Variants in COL4A4 observed in about 807,000 individuals in gnomAD.
COL4A4 encodes the protein collagen alpha-4(IV) chain.
A neutral mutation model predicts 192.9 loss-of-function variants in COL4A4; 105 were observed. That is an observed-to-expected ratio of 0.54 (90% confidence interval 0.46 to 0.64). The LOEUF is 0.64. COL4A4 is among the 30% of genes least tolerant of loss of function. The probability of loss-of-function intolerance (pLI) is 0.00; values close to 1 mark genes in which losing one functional copy is unlikely to be tolerated. For missense variants in COL4A4, 1,967 were observed against 2,169.3 expected (o/e 0.91, Z 1.85); for synonymous variants, 762 against 769.9 (o/e 0.99, Z 0.17).
In COL4A4 at chr2:227,082,164, T is replaced by C; in HGVS notation, c.1647A>G (p.Pro549=). The change falls in exon 23 of 48, where the codon CCA becomes CCG. Residue 549 remains proline, a synonymous_variant. Transcript: ENST00000396625. ...GLPGKHGASG[P]PGNKGAKGDM... ...CACCCTTCGCCCCTTTGTTGCCAGG[T>C]GGTCCAGAGGCACCATGCTTTCCCT... The C allele has an allele frequency of 6.2e-7, 1 of 1,614,172 alleles. No homozygotes were observed. The highest frequency in any genetic ancestry group is 8.5e-7 in the Non-Finnish European group (1 of 1,179,998).
At chr2:227,093,776 T>C (rs2060062526) in intron 20 of COL4A4, among the ~76,000 whole-genome samples, 1 of 152,126 alleles carries the variant, frequency 6.6e-6, no homozygotes, top group Admixed American at 6.6e-5. Context: ...GCAATTCCCC[T>C]GTCTCGACAA....
At chr2:226,978,276 G>A in the COL4A4 span, among the ~76,000 whole-genome samples, 1 of 151,896 alleles carries the variant, frequency 6.6e-6, no homozygotes, top group South Asian at 2.1e-4. Context: ...TTTTCTCCAT[G>A]TACCAATTAC....
At position 227,082,035 on chromosome 2, in the gene COL4A4, C is replaced by G. The variant is rs974823765; in HGVS notation, c.1696+80G>C. 3 of 1,177,666 alleles carry G rather than the reference C, an allele frequency of 2.5e-6. No individual in the cohort carries two copies. The Admixed American group carries it at 5.0e-5, about 20-fold the overall frequency. The allele number at this position is 1,177,666 out of a possible 1,614,324, so 73.0% of individuals were successfully genotyped here. On this transcript the variant is annotated intron_variant, in intron 23 of 47. Coordinates refer to ENST00000396625, the MANE Select transcript of COL4A4 (RefSeq NM_000092.5). ...AAATTGTATAGAATTGATCTATGGT[C>G]ACAGGGGAAATTACTGCAAGAGGAG... is the stretch of plus-strand genomic sequence containing the variant.
chr2:227,053,301 G>C (rs1974535169), intron 31 of COL4A4, among the ~76,000 whole-genome samples: 1 of 151,990 alleles, frequency 6.6e-6, no homozygotes, highest in African/African-American at 2.4e-5. Context: ...CAACTAAGAA[G>C]AAAAGGTAAT....
the COL4A4 span, among the ~76,000 whole-genome samples, chr2:226,974,225 T>TTTTTA: frequency 0.018 from 2,740 of 148,216 alleles, 91 homozygotes; most frequent in African/African-American, 0.065. Flanking sequence ...TGTTGCCCTT[T>TTTTTA]TTTTATTTTA....
chr2:227,073,584 C>T (rs572315959), intron 25 of COL4A4, among the ~76,000 whole-genome samples: 1 of 151,952 alleles, frequency 6.6e-6, no homozygotes, highest in Non-Finnish European at 1.5e-5. Context: ...CCTGAATAGA[C>T]AAAGCAATCC....
chr2:227,078,304 G>C lies in COL4A4; in HGVS notation c.1804-227C>G, dbSNP rs188558739. Among the ~76,000 whole-genome samples, 222 of 152,218 alleles carry C rather than the reference G, an allele frequency of 1.5e-3. 4 individuals carry two copies. Among genetic ancestry groups the C allele is most frequent in the East Asian group, 7.7e-4 (4 of 5,176 alleles). On this transcript the variant is annotated intron_variant, in intron 24 of 47. Coordinates refer to ENST00000396625, the MANE Select transcript of COL4A4 (RefSeq NM_000092.5). ...GTCACCCAGGCTGGTGTGCAGTGGTGCTATCTCGGTTCACTGCAGCCTCCA... is the reference window on the plus strand; with the variant it reads ...GTCACCCAGGCTGGTGTGCAGTGGTCCTATCTCGGTTCACTGCAGCCTCCA...
At chr2:226,973,593 T>C in the COL4A4 span, among the ~76,000 whole-genome samples, 2 of 152,232 alleles carry the variant, frequency 1.3e-5, no homozygotes, top group African/African-American at 4.8e-5. Context: ...CTAGTCCCCT[T>C]AGCAAGGACC....
intron 25 of COL4A4, among the ~76,000 whole-genome samples, chr2:227,076,614 T>G (rs2059036644): frequency 2.0e-5 from 3 of 152,048 alleles, no homozygotes; most frequent in Non-Finnish European, 2.9e-5. Flanking sequence ...CAAAAGCAAT[T>G]GCAAAAGAAG....
At chr2:227,039,538 G>A (rs1162875695) in intron 37 of COL4A4, among the ~76,000 whole-genome samples, 1 of 152,192 alleles carries the variant, frequency 6.6e-6, no homozygotes, top group Admixed American at 6.5e-5. Context: ...TCAAGGGAAA[G>A]AAAGATCAAC....
Position 227,140,184 on chromosome 2 carries a change from A to G in COL4A4, c.169T>C (p.Cys57Arg). ...ACCCGAGACCCCTTTTCAGGAACAC[A>G]GTGGCAAACAGAGCAATCTCTTCCT... is the stretch of plus-strand genomic sequence containing the variant. ...CGGRDCSVCH[C>R]VPEKGSRGPP... is the part of the protein sequence containing the mutation. The change falls in exon 4 of 48, where the codon TGT becomes CGT. Residue 57 changes from cysteine to arginine, a missense_variant. By Grantham distance (180) the Cys-to-Arg change is radical. Coordinates refer to ENST00000396625, the MANE Select transcript of COL4A4 (RefSeq NM_000092.5). 6.2e-7 allele frequency: 1 copy of G among 1,614,122 alleles called. No homozygotes were observed. Among genetic ancestry groups the G allele is most frequent in the South Asian group, 1.1e-5 (1 of 91,088 alleles).
intron 22 of COL4A4, among the ~76,000 whole-genome samples, chr2:227,087,050 C>A (rs2059640204): frequency 6.6e-6 from 1 of 152,118 alleles, no homozygotes; most frequent in African/African-American, 2.4e-5. Flanking sequence ...TGGTCAAGTT[C>A]CAGGCCATCC....
chr2:227,109,359 A>T, intron 9 of COL4A4, 73 bp from the exon 10 acceptor site: 1 of 1,224,738 alleles, frequency 8.2e-7, no homozygotes, highest in Non-Finnish European at 1.2e-6. Flanking sequence ...GTTGCGTGTG[A>T]TCCCATGTGG....
chr2:227,150,868 T>C (rs1431917186), intron 1 of COL4A4, among the ~76,000 whole-genome samples: 3 of 151,534 alleles, frequency 2.0e-5, no homozygotes, highest in Non-Finnish European at 4.4e-5. Context: ...AGGTGAGATT[T>C]GGGTGGGGAC....
intron 1 of COL4A4, among the ~76,000 whole-genome samples, chr2:227,150,676 C>G (rs565399918): frequency 6.6e-6 from 1 of 152,102 alleles, no homozygotes; most frequent in Non-Finnish European, 1.5e-5. Context: ...GCAGAAGGCA[C>G]CTCTTCACAG....
intron 26 of COL4A4, among the ~76,000 whole-genome samples, chr2:227,062,157 A>G (rs13398295): frequency 0.64 from 97,490 of 151,396 alleles, 31,971 homozygotes; most frequent in African/African-American, 0.76. Flanking sequence ...AGAATCATTG[A>G]ACCTGGGAAG....
intron 2 of COL4A4, among the ~76,000 whole-genome samples, chr2:227,145,258 G>A (rs1433957582): frequency 6.6e-6 from 1 of 152,082 alleles, no homozygotes; most frequent in Non-Finnish European, 1.5e-5. Context: ...GACCAGCCTG[G>A]CCAGCATGAC....
At chr2:227,060,952 T>C (rs1364087844) in intron 26 of COL4A4, among the ~76,000 whole-genome samples, 1 of 152,108 alleles carries the variant, frequency 6.6e-6, no homozygotes. Flanking sequence ...TGGTCTCATC[T>C]CCTGACCTCG....
chr2:227,090,244 CAACAA>C (rs1309537852), intron 20 of COL4A4, among the ~76,000 whole-genome samples: 1 of 151,866 alleles, frequency 6.6e-6, no homozygotes, highest in Non-Finnish European at 1.5e-5. Flanking sequence ...AGATAATGGA[CAACAA>C]AACAAAACAA....
Sources: gnomAD v4.1 joint callset for allele counts (sites outside exome capture counted in the v4.1 genomes callset) on GRCh38, gnomAD v4.1.1 for gene constraint, MANE v1.5 for transcripts, NCBI Gene and HGNC (gene_info 2026-07-23, HGNC 2026-07-21) for gene names.